The following PPP6R3 variants were observed in gnomAD, a reference collection of about 807,000 sequenced individuals.
The protein encoded by PPP6R3 is protein phosphatase 6 regulatory subunit 3, also known as serine/threonine-protein phosphatase 6 regulatory subunit 3.
A neutral mutation model predicts 110.7 loss-of-function variants in PPP6R3; 38 were observed. That is an observed-to-expected ratio of 0.34 (90% CI 0.26 to 0.45). The LOEUF (loss-of-function observed/expected upper bound fraction) is 0.45. Ranked by LOEUF, PPP6R3 falls within the 20% of genes least tolerant of loss-of-function variation. PPP6R3 has a pLI of 1.00. For missense variants in PPP6R3, 870 were observed against 1,062.4 expected (o/e 0.82, Z 2.52); for synonymous variants, 369 against 373.5 (o/e 0.99, Z 0.14).
At chr11:68,489,898 G>T (rs1396110427) in intron 1 of PPP6R3, among the ~76,000 whole-genome samples, 1 of 151,814 alleles carries the variant, frequency 6.6e-6, no homozygotes, top group Non-Finnish European at 1.5e-5. Flanking sequence ...TTCTGATTCC[G>T]CCTTCCTGTC....
At chr11:68,530,170 A>G (rs989441335) in intron 2 of PPP6R3, among the ~76,000 whole-genome samples, 17 of 152,144 alleles carry the variant, frequency 1.1e-4, no homozygotes, top group African/African-American at 4.1e-4. Context: ...GTGGCTCAAA[A>G]GTTTATTTCT....
intron 13 of PPP6R3, among the ~76,000 whole-genome samples, chr11:68,575,753 A>G (rs2099528547): frequency 6.6e-6 from 1 of 152,172 alleles, no homozygotes; most frequent in Admixed American, 6.5e-5. Context: ...CTGAAAGTCC[A>G]TGGGATTTGG....
chr11:68,491,310 G>A (rs1449949422), intron 1 of PPP6R3, among the ~76,000 whole-genome samples: 1 of 149,854 alleles, frequency 6.7e-6, no homozygotes, highest in East Asian at 2.0e-4. Flanking sequence ...AAACCAGAAG[G>A]TTGTTAAGTG....
At chr11:68,560,416 G>C (rs566424740) in intron 8 of PPP6R3, among the ~76,000 whole-genome samples, 2 of 152,188 alleles carry the variant, frequency 1.3e-5, no homozygotes, top group Non-Finnish European at 2.9e-5. Context: ...TGAATAATAA[G>C]AGACTACTAC....
At chr11:68,575,865 G>A in intron 13 of PPP6R3, 93 bp from the exon 14 acceptor site, 1 of 860,954 alleles carries the variant, frequency 1.2e-6, no homozygotes, top group Non-Finnish European at 1.8e-6. Context: ...TGAACCAGGT[G>A]AGTAGGCCCA....
At chr11:68,557,117 G>T (rs1269902245) in intron 7 of PPP6R3, among the ~76,000 whole-genome samples, 4 of 152,186 alleles carry the variant, frequency 2.6e-5, no homozygotes, top group African/African-American at 9.6e-5. Context: ...GCTGTTGAAA[G>T]AAAAACATAT....
intron 14 of PPP6R3, among the ~76,000 whole-genome samples, chr11:68,578,054 C>T (rs1030580109): frequency 6.6e-6 from 1 of 152,124 alleles, no homozygotes; most frequent in Non-Finnish European, 1.5e-5. Context: ...ATACCACTTC[C>T]GTTTAGTCTT....
intron 19 of PPP6R3, among the ~76,000 whole-genome samples, chr11:68,597,971 T>C (rs1054709829): frequency 6.6e-6 from 1 of 151,476 alleles, no homozygotes; most frequent in African/African-American, 2.4e-5. Context: ...AGAGTGAGAC[T>C]CCATCTGGGG....
intron 1 of PPP6R3, among the ~76,000 whole-genome samples, chr11:68,502,638 A>G (rs1430617123): frequency 6.6e-6 from 1 of 152,164 alleles, no homozygotes; most frequent in Non-Finnish European, 1.5e-5. Context: ...GTAAGGCGGA[A>G]CTGACAATGT....
intron 19 of PPP6R3, among the ~76,000 whole-genome samples, chr11:68,598,623 T>C (rs1238151925): frequency 4.6e-5 from 7 of 152,320 alleles, no homozygotes; most frequent in African/African-American, 1.7e-4. Flanking sequence ...ATTCCACCAG[T>C]CTCTGTGGCT....
intron 11 of PPP6R3, 34 bp downstream of exon 11, chr11:68,569,931 T>C: frequency 6.4e-7 from 1 of 1,573,434 alleles, no homozygotes; most frequent in South Asian, 1.1e-5. Flanking sequence ...TCTCCCACTC[T>C]CTCCTGGTTA....
intron 7 of PPP6R3, among the ~76,000 whole-genome samples, chr11:68,556,547 A>C (rs566464152): frequency 2.0e-4 from 31 of 151,298 alleles, no homozygotes; most frequent in East Asian, 1.9e-3. Flanking sequence ...AAAAAAAAAA[A>C]AACGAAAAAA....
chr11:68,499,059 T>A (rs1277969687), intron 1 of PPP6R3, among the ~76,000 whole-genome samples: 1 of 152,246 alleles, frequency 6.6e-6, no homozygotes, highest in African/African-American at 2.4e-5. Flanking sequence ...ATACGTTTAT[T>A]GGTCATTTGG....
intron 5 of PPP6R3, among the ~76,000 whole-genome samples, chr11:68,549,432 A>C (rs1188356140): frequency 6.6e-6 from 1 of 152,112 alleles, no homozygotes; most frequent in Non-Finnish European, 1.5e-5. Flanking sequence ...GTGTGCATTT[A>C]TGTGATGGTG....
intron 1 of PPP6R3, 33 bp from the exon 2 acceptor site, chr11:68,519,468 A>G: frequency 2.5e-6 from 1 of 395,978 alleles, no homozygotes; most frequent in Non-Finnish European, 4.5e-6. Flanking sequence ...AAGAGAACAT[A>G]TGTGATTATC....
chr11:68,609,664 C>T (rs372982265), intron 22 of PPP6R3: 69 of 1,558,400 alleles, frequency 4.4e-5, no homozygotes, highest in Non-Finnish European at 5.4e-5. Context: ...CTTTATCAGA[C>T]GCCAGCCACA....
chr11:68,583,128 A>G lies in PPP6R3; in HGVS notation c.1631A>G (p.Gln544Arg). ...TGFSQDSSLQ[Q>R]AFSDYQMQQM... Reference sequence around the variant, plus strand: ...TTCTCACAGGATTCTTCTTTGCAGCAAGTGAGTCACGCCTAAAGCTTTGCT... The same window carrying G: ...TTCTCACAGGATTCTTCTTTGCAGCGAGTGAGTCACGCCTAAAGCTTTGCT... The change falls in exon 15 of 24, where the codon CAA (glutamine) becomes CGA (arginine). Residue 544 changes from glutamine (Q) to arginine (R), a missense_variant and splice_region_variant. Gln to Arg is a conservative substitution (Grantham distance 43, BLOSUM62 1). Transcript: ENST00000393800. The G allele has an allele frequency of 6.5e-7, 1 of 1,533,958 alleles. No homozygotes were observed. Among genetic ancestry groups the G allele is most frequent in the South Asian group, 1.2e-5 (1 of 82,116 alleles).
At chr11:68,570,628 C>T (rs1025522999) in intron 11 of PPP6R3, among the ~76,000 whole-genome samples, 8 of 152,214 alleles carry the variant, frequency 5.3e-5, no homozygotes, top group Non-Finnish European at 1.0e-4. Context: ...GGAAGTAAGA[C>T]GTGCTCACAT....
intron 15 of PPP6R3, among the ~76,000 whole-genome samples, chr11:68,585,776 A>G (rs1039874019): frequency 3.9e-5 from 6 of 152,188 alleles, no homozygotes; most frequent in African/African-American, 1.2e-4. Context: ...GTCAGTTGCT[A>G]TGTATCTCTC....
Sources: allele counts gnomAD v4.1 joint callset (sites outside exome capture counted in the v4.1 genomes callset), GRCh38; gene constraint gnomAD v4.1.1; transcripts MANE v1.5; gene names NCBI Gene and HGNC (gene_info 2026-07-23, HGNC 2026-07-21).